NAALADL2: variants seen among roughly 807,000 people sequenced by gnomAD.
NAALADL2 encodes N-acetylated alpha-linked acidic dipeptidase like 2, also known as inactive N-acetylated-alpha-linked acidic dipeptidase-like protein 2.
In NAALADL2, 76 loss-of-function variants were observed where a neutral mutation model predicts 87.2. The observed-to-expected ratio is 0.87, with a 90% CI of 0.72 to 1.05. The LOEUF (loss-of-function observed/expected upper bound fraction) is 1.05, where lower values mean the gene tolerates loss of function less well. Ranked by LOEUF, NAALADL2 falls within the 50% of genes least tolerant of loss-of-function variation. NAALADL2 has a pLI of 0.00. For missense variants in NAALADL2, 1,089 were observed against 945.8 expected, an observed-to-expected ratio of 1.15 and a Z score of -1.99; for synonymous variants, 354 against 331.0, an observed-to-expected ratio of 1.07 and a Z score of -0.75.
At chr3:175,071,690 A>G (rs1715672773) in intron 1 of NAALADL2, among the ~76,000 whole-genome samples, 1 of 152,072 alleles carries the variant, frequency 6.6e-6, no homozygotes. Flanking sequence ...ACAGCCACCA[A>G]TGCCTGGTAT....
intron 2 of NAALADL2, among the ~76,000 whole-genome samples, chr3:175,206,331 C>G (rs966081780): frequency 2.8e-5 from 4 of 142,504 alleles, no homozygotes; most frequent in Non-Finnish European, 6.0e-5. Flanking sequence ...TACACACACA[C>G]ACACATATAT....
Position 175,677,478 on chromosome 3 carries a change from G to GTGTGT in NAALADL2, c.1896+50092_1896+50093insTGTGT, listed in dbSNP as rs1560961279. Among the ~76,000 whole-genome samples, 106 of 140,192 alleles carry GTGTGT rather than the reference G, an allele frequency of 7.6e-4. 1 individual carries two copies. Among genetic ancestry groups the GTGTGT allele is most frequent in the African/African-American group, 2.7e-3 (104 of 38,252 alleles). The allele number at this position is 140,192 out of a possible 152,430, so 92.0% of individuals were successfully genotyped here. On this transcript the variant is annotated intron_variant, in intron 11 of 13. Transcript: ENST00000454872. ...TGGTGGCTGATAAATAGTATAATGG[G>GTGTGT]GTGTGTGTGTGTGTGTGTGTGTGTG... is the stretch of plus-strand genomic sequence containing the variant.
At chr3:174,908,005 C>T (rs905972099) in intron 1 of NAALADL2, among the ~76,000 whole-genome samples, 5 of 140,376 alleles carry the variant, frequency 3.6e-5, no homozygotes, top group South Asian at 2.3e-4. Context: ...TATCTCTTTT[C>T]GAAAGAGAGA....
chr3:174,442,732 GT>G (rs1411440573), intron 1 of NAALADL2, among the ~76,000 whole-genome samples: 3 of 152,108 alleles, frequency 2.0e-5, no homozygotes, highest in African/African-American at 7.2e-5. Flanking sequence ...AGTATATGTA[GT>G]ACATAAGAAA....
At chr3:175,044,938 T>A (rs1361301925) in intron 1 of NAALADL2, among the ~76,000 whole-genome samples, 1 of 152,022 alleles carries the variant, frequency 6.6e-6, no homozygotes, top group Non-Finnish European at 1.5e-5. Flanking sequence ...TGATTTTTTT[T>A]TTTTCATGCT....
intron 1 of NAALADL2, among the ~76,000 whole-genome samples, chr3:174,872,541 T>C (rs1285188965): frequency 6.6e-6 from 1 of 152,214 alleles, no homozygotes. Context: ...ATGCTAAATT[T>C]TGTATTATGC....
intron 2 of NAALADL2, among the ~76,000 whole-genome samples, chr3:175,196,793 A>G (rs142393876): frequency 1.4e-3 from 216 of 152,028 alleles, no homozygotes; most frequent in Non-Finnish European, 2.8e-3. Flanking sequence ...TGATCCTTAC[A>G]CTGGATTCAT....
intron 2 of NAALADL2, among the ~76,000 whole-genome samples, chr3:174,723,290 C>G (rs116687459): frequency 0.014 from 2,077 of 152,110 alleles, 12 homozygotes; most frequent in Middle Eastern, 0.02. Context: ...TGAGCCTATT[C>G]CTATGAAACT....
chr3:175,636,681 G>A (rs1394775081), intron 11 of NAALADL2, among the ~76,000 whole-genome samples: 6 of 132,386 alleles, frequency 4.5e-5, no homozygotes, highest in Non-Finnish European at 9.3e-5. Context: ...CTTGGTGACA[G>A]AGCAAGACTC....
At chr3:175,789,479 A>C (rs1752518513) in intron 13 of NAALADL2, among the ~76,000 whole-genome samples, 1 of 152,164 alleles carries the variant, frequency 6.6e-6, no homozygotes, top group African/African-American at 2.4e-5. Context: ...ACATAATTTC[A>C]ATTGAGAACA....
intron 2 of NAALADL2, among the ~76,000 whole-genome samples, chr3:174,555,338 C>T (rs565784128): frequency 2.0e-5 from 3 of 152,228 alleles, no homozygotes; most frequent in South Asian, 4.2e-4. Flanking sequence ...TCACTCTTGT[C>T]GCCCAGCCTG....
chr3:175,755,320 C>G lies in NAALADL2; in HGVS notation c.2091C>G (p.Pro697=). Residue 697 remains proline, a synonymous_variant, in exon 13 of 14, where the codon CCC becomes CCG. Transcript: ENST00000454872. ...QSDEMRPAND[P]KERAPIRIRM... ...ATGAGATGCGACCTGCTAATGATCC[C>G]AAGGAGAGAGCACCCATCCGCATCC... 6.2e-7 allele frequency: 1 copy of G among 1,613,470 alleles called. No individual in the cohort carries two copies. The highest frequency in any genetic ancestry group is 1.3e-5 in the African/African-American group (1 of 74,974).
At chr3:175,510,118 C>T (rs923608909) in intron 9 of NAALADL2, among the ~76,000 whole-genome samples, 10 of 149,840 alleles carry the variant, frequency 6.7e-5, no homozygotes, top group Non-Finnish European at 8.8e-5. Context: ...TTTTTTCTTG[C>T]GATAGTTTAC....
At chr3:175,037,950 T>G (rs1753618403) in intron 1 of NAALADL2, among the ~76,000 whole-genome samples, 1 of 152,116 alleles carries the variant, frequency 6.6e-6, no homozygotes, top group Non-Finnish European at 1.5e-5. Flanking sequence ...GAAGGGAGCG[T>G]GGATTTAAAA....
chr3:175,377,548 G>A (rs1323067271), intron 5 of NAALADL2, among the ~76,000 whole-genome samples: 1 of 152,140 alleles, frequency 6.6e-6, no homozygotes, highest in African/African-American at 2.4e-5. Context: ...GGGGACGGGG[G>A]CAGAGAAATT....
At chr3:174,807,083 T>G (rs1719593191) in intron 3 of NAALADL2, among the ~76,000 whole-genome samples, 1 of 152,182 alleles carries the variant, frequency 6.6e-6, no homozygotes, top group Non-Finnish European at 1.5e-5. Flanking sequence ...ACTAGAAATG[T>G]GCTTGTGTAT....
At chr3:175,671,408 C>A (rs1733986508) in intron 11 of NAALADL2, among the ~76,000 whole-genome samples, 1 of 151,950 alleles carries the variant, frequency 6.6e-6, no homozygotes. Flanking sequence ...AAATTGCTAG[C>A]AACTGTTATC....
intron 11 of NAALADL2, among the ~76,000 whole-genome samples, chr3:175,674,428 G>GTT (rs200946814): frequency 1.3e-5 from 2 of 148,796 alleles, no homozygotes; most frequent in African/African-American, 2.5e-5. Flanking sequence ...CCTGGCTAAT[G>GTT]TTTTTTTTTG....
intron 5 of NAALADL2, among the ~76,000 whole-genome samples, chr3:175,445,692 A>T (rs1051523057): frequency 1.3e-4 from 20 of 152,174 alleles, no homozygotes; most frequent in Non-Finnish European, 2.5e-4. Flanking sequence ...TGTAAATATT[A>T]TACATATTGT....
Sources: gnomAD v4.1 joint callset for allele counts (sites outside exome capture counted in the v4.1 genomes callset) on GRCh38, gnomAD v4.1.1 for gene constraint, MANE v1.5 for transcripts, NCBI Gene and HGNC (gene_info 2026-07-23, HGNC 2026-07-21) for gene names.